Variants in CDYL observed in about 807,000 individuals in gnomAD.
The protein encoded by CDYL is chromodomain Y like.
Under a neutral mutation model 47.3 loss-of-function variants are expected in CDYL, and 8 were observed. The observed-to-expected ratio is 0.17, with a 90% CI of 0.10 to 0.31. The LOEUF is 0.31. Among genes scored for constraint, CDYL ranks in the 10% least tolerant of loss-of-function variants. The pLI is 1.00. For missense variants in CDYL, 471 were observed against 701.4 expected (o/e 0.67, Z 3.71); for synonymous variants, 266 against 265.0 (o/e 1.00, Z -0.04).
intron 1 of CDYL, among the ~76,000 whole-genome samples, chr6:4,710,399 A>AGGAAGGAAGGAAGGAAGGAAGGAC: frequency 6.7e-6 from 1 of 148,686 alleles, no homozygotes; most frequent in South Asian, 2.2e-4. Context: ...GAAGGAAGGA[A>AGGAAGGAAGGAAGGAAGGAAGGAC]GGAAACTACA....
intron 1 of CDYL, among the ~76,000 whole-genome samples, chr6:4,812,132 T>C (rs1490922384): frequency 6.6e-6 from 1 of 152,224 alleles, no homozygotes; most frequent in African/African-American, 2.4e-5. Flanking sequence ...ATGTTTTCTA[T>C]AGTGAACATA....
intron 1 of CDYL, among the ~76,000 whole-genome samples, chr6:4,881,071 G>A (rs1242600569): frequency 6.6e-6 from 1 of 152,030 alleles, no homozygotes; most frequent in Non-Finnish European, 1.5e-5. Flanking sequence ...TTTGTAGATA[G>A]CATGTACTTG....
At chr6:4,848,789 G>A (rs527312470) in intron 1 of CDYL, among the ~76,000 whole-genome samples, 102 of 152,348 alleles carry the variant, frequency 6.7e-4, no homozygotes, top group African/African-American at 2.4e-3. Flanking sequence ...ACGCAGTTGC[G>A]TTTGGTTGCC....
chr6:4,803,090 C>T, intron 1 of CDYL, among the ~76,000 whole-genome samples: 1 of 152,186 alleles, frequency 6.6e-6, no homozygotes, highest in East Asian at 1.9e-4. Flanking sequence ...TTCAAGAGCC[C>T]TTCAGCCTTA....
exon 2 of CDYL, chr6:4,715,831 A>C (rs1408669280): frequency 1.2e-6 from 2 of 1,614,202 alleles, no homozygotes; most frequent in East Asian, 2.2e-5. Context: ...AGGAAGAAAA[A>C]CTGGCAATAC....
At chr6:4,715,055 T>A (rs916364765) in intron 1 of CDYL, 8 of 152,212 alleles carry the variant, frequency 5.3e-5, no homozygotes, top group Non-Finnish European at 1.5e-5. Flanking sequence ...CCATCTCCAA[T>A]GGCATGTTTC....
intron 2 of CDYL, among the ~76,000 whole-genome samples, chr6:4,905,275 G>A (rs1016954543): frequency 1.3e-5 from 2 of 152,100 alleles, no homozygotes; most frequent in South Asian, 2.1e-4. Flanking sequence ...AGGAATTCTC[G>A]TTGGTCTAAA....
At chr6:4,938,031 G>A (rs141511844) in intron 4 of CDYL, among the ~76,000 whole-genome samples, 1 of 152,318 alleles carries the variant, frequency 6.6e-6, no homozygotes, top group African/African-American at 2.4e-5. Flanking sequence ...AGAATGTTCT[G>A]ATGATTAGAG....
intron 3 of CDYL, among the ~76,000 whole-genome samples, chr6:4,937,073 T>C (rs1420411088): frequency 6.6e-6 from 1 of 152,204 alleles, no homozygotes; most frequent in Admixed American, 6.5e-5. Flanking sequence ...AAAATGCTTT[T>C]AGGCAGGGTG....
intron 1 of CDYL, among the ~76,000 whole-genome samples, chr6:4,883,253 G>A (rs1404066452): frequency 6.6e-6 from 1 of 152,172 alleles, no homozygotes; most frequent in East Asian, 1.9e-4. Context: ...CTGGGACAGG[G>A]AACATTAATG....
rs564605607 is a variant in CDYL at position 4,814,377 on chromosome 6, A to G, written c.24+37570A>G. Among the ~76,000 whole-genome samples the G allele has an allele frequency of 5.3e-5, 8 of 152,304 alleles. No individual in the cohort carries two copies. The East Asian group carries it at 1.5e-3, about 29-fold the overall frequency. On this transcript the variant is annotated intron_variant, in intron 1 of 6. Transcript: ENST00000397588. Reference sequence around the variant, plus strand: ...TGAACCTATTAGAAAGTGAAACTGAACAGGTATTTTACTGTTCATGGAGCA... The same window carrying G: ...TGAACCTATTAGAAAGTGAAACTGAGCAGGTATTTTACTGTTCATGGAGCA...
chr6:4,746,595 C>A (rs79923049), intron 3 of CDYL, among the ~76,000 whole-genome samples: 1 of 152,036 alleles, frequency 6.6e-6, no homozygotes, highest in African/African-American at 2.4e-5. Context: ...AGAGAGGAGG[C>A]GGGGTCAGGC....
chr6:4,880,428 T>C (rs943183468), intron 1 of CDYL, among the ~76,000 whole-genome samples: 1 of 152,226 alleles, frequency 6.6e-6, no homozygotes, highest in Non-Finnish European at 1.5e-5. Flanking sequence ...TACCTATCCA[T>C]TTACCTACTG....
At chr6:4,798,982 C>T (rs1311472573) in intron 1 of CDYL, among the ~76,000 whole-genome samples, 1 of 152,080 alleles carries the variant, frequency 6.6e-6, no homozygotes, top group African/African-American at 2.4e-5. Flanking sequence ...CCTTTACTTT[C>T]AGTTTAATTT....
rs543675384 is a variant in CDYL at position 4,914,446 on chromosome 6, A to C, written c.692-21069A>C. On this transcript the variant is annotated intron_variant, in intron 2 of 6. Transcript: ENST00000397588. ...CACGCAGCCTCTTGCAGGTCTTTAG[A>C]AGCTCAGCTGAGTTTCTTACTATTA... 6.6e-5 allele frequency among the ~76,000 whole-genome samples: 10 copies of C among 152,230 alleles called. No homozygotes were observed. The East Asian group carries it at 1.5e-3, about 24-fold the overall frequency.
At chr6:4,801,644 T>G (rs1257188700) in intron 1 of CDYL, among the ~76,000 whole-genome samples, 1 of 152,204 alleles carries the variant, frequency 6.6e-6, no homozygotes, top group Non-Finnish European at 1.5e-5. Context: ...GTCTCCCCTG[T>G]GTCTGCAAAA....
chr6:4,841,844 G>A (rs1760498454), intron 1 of CDYL, among the ~76,000 whole-genome samples: 1 of 151,596 alleles, frequency 6.6e-6, no homozygotes, highest in African/African-American at 2.4e-5. Context: ...TGTTCCATGT[G>A]CTGATTAATA....
intron 3 of CDYL, among the ~76,000 whole-genome samples, chr6:4,740,096 C>T (rs1303441434): frequency 3.3e-5 from 5 of 152,250 alleles, no homozygotes; most frequent in African/African-American, 7.2e-5. Context: ...TGTGAAATTA[C>T]GAAGGAGAGT....
intron 1 of CDYL, among the ~76,000 whole-genome samples, chr6:4,873,853 A>G (rs1363709343): frequency 1.3e-5 from 2 of 152,164 alleles, no homozygotes; most frequent in East Asian, 1.9e-4. Flanking sequence ...ACACCTTCAC[A>G]TGCGCCGCAG....
Sources: allele counts gnomAD v4.1 joint callset (sites outside exome capture counted in the v4.1 genomes callset), GRCh38; gene constraint gnomAD v4.1.1; transcripts MANE v1.5; gene names NCBI Gene and HGNC (gene_info 2026-07-23, HGNC 2026-07-21).